SWAP70: variants seen among roughly 807,000 people sequenced by gnomAD.
The protein encoded by SWAP70 is switching B cell complex subunit SWAP70.
Under a neutral mutation model 80.2 loss-of-function variants are expected in SWAP70, and 34 were observed. The observed-to-expected ratio is 0.42, with a 90% CI of 0.32 to 0.56. The LOEUF (loss-of-function observed/expected upper bound fraction) is 0.56, where lower values mean the gene tolerates loss of function less well. SWAP70 is among the 20% of genes least tolerant of loss of function. The pLI is 0.09. For synonymous variants in SWAP70, 239 were observed against 238.5 expected (o/e 1.00, Z -0.02); for missense variants, 578 against 690.7 (o/e 0.84, Z 1.83).
At chr11:9,698,473 C>T (rs960760533) in intron 2 of SWAP70, among the ~76,000 whole-genome samples, 1 of 152,106 alleles carries the variant, frequency 6.6e-6, no homozygotes, top group Admixed American at 6.5e-5. Context: ...GGCATGATCT[C>T]GGCTCACTGT....
Position 9,671,112 on chromosome 11 carries a change from A to T in SWAP70, c.99+6834A>T, listed in dbSNP as rs934659571. 1.8e-4 allele frequency among the ~76,000 whole-genome samples: 24 copies of T among 136,712 alleles called. No individual in the cohort carries two copies. In the East Asian group the frequency reaches 2.8e-3, roughly 16 times the overall value. The allele number at this position is 136,712 out of a possible 152,430, so 89.7% of individuals were successfully genotyped here. On this transcript the variant is annotated intron_variant, in intron 1 of 11. Transcript: ENST00000318950. ...AAATATATATAAATATATAAATATA[A>T]AAATATATATAAATATATTTATAAA... is the stretch of plus-strand genomic sequence containing the variant.
At chr11:9,683,639 T>C (rs892943415) in intron 1 of SWAP70, among the ~76,000 whole-genome samples, 6 of 151,856 alleles carry the variant, frequency 4.0e-5, no homozygotes, top group African/African-American at 1.2e-4. Context: ...GGAAATGAAA[T>C]TGGGAAAAGG....
chr11:9,694,901 G>A (rs987466667), intron 2 of SWAP70, among the ~76,000 whole-genome samples: 6 of 152,134 alleles, frequency 3.9e-5, no homozygotes, highest in Non-Finnish European at 5.9e-5. Context: ...GCAGTGTGGC[G>A]ATTCCTCAAG....
At chr11:9,686,539 G>C (rs1016254013) in intron 1 of SWAP70, among the ~76,000 whole-genome samples, 1 of 151,766 alleles carries the variant, frequency 6.6e-6, no homozygotes, top group Non-Finnish European at 1.5e-5. Flanking sequence ...TGTAGAGATA[G>C]GGTCTTACTT....
At chr11:9,725,128 C>T in intron 4 of SWAP70, 1 of 437,468 alleles carries the variant, frequency 2.3e-6, no homozygotes, top group Non-Finnish European at 4.0e-6. Context: ...AAGGCATGCA[C>T]CCCCATGCCC....
chr11:9,671,992 A>C (rs1221540639), intron 1 of SWAP70, among the ~76,000 whole-genome samples: 2 of 116,522 alleles, frequency 1.7e-5, no homozygotes, highest in African/African-American at 6.9e-5. Context: ...TCTATATTTT[A>C]TATAATATAT....
rs1269274489 is a variant in SWAP70, at chr11:9,679,943, A to G, written c.100-14203A>G. 2.0e-5 allele frequency among the ~76,000 whole-genome samples: 3 copies of G among 152,216 alleles called. 1 individual carries two copies. The highest frequency in any genetic ancestry group is 7.2e-5 in the African/African-American group (3 of 41,450). On this transcript the variant is annotated intron_variant, in intron 1 of 11. Transcript: ENST00000318950. ...CTCAGCCTTCCAGAGTGCTGGGATT[A>G]CAGGCATGAGCCACTGCACGCGGCC... is the stretch of plus-strand genomic sequence containing the variant.
intron 7 of SWAP70, among the ~76,000 whole-genome samples, chr11:9,732,939 A>G (rs1354600438): frequency 6.6e-6 from 1 of 152,214 alleles, no homozygotes; most frequent in African/African-American, 2.4e-5. Flanking sequence ...TTGGCTAGGA[A>G]GGAATATTTT....
intron 3 of SWAP70, among the ~76,000 whole-genome samples, chr11:9,719,083 G>A (rs1851102106): frequency 8.4e-6 from 1 of 119,690 alleles, no homozygotes; most frequent in Non-Finnish European, 1.6e-5. Flanking sequence ...GACAGAGCGA[G>A]ACACTGAATC....
In SWAP70 at chr11:9,718,920, T is replaced by G. The variant is rs796645339; in HGVS notation, c.414+5281T>G. Among the ~76,000 whole-genome samples the G allele has an allele frequency of 3.3e-5, 5 of 151,664 alleles. No individual in the cohort carries two copies. The East Asian group carries it at 5.8e-4, about 18-fold the overall frequency. ...TTTGAGACCAGCCTGGGCAACATGGTGAAACCTCGTCTCTACAAAAAATAC... is the reference window on the plus strand; with the variant it reads ...TTTGAGACCAGCCTGGGCAACATGGGGAAACCTCGTCTCTACAAAAAATAC... On this transcript the variant is annotated intron_variant, in intron 3 of 11. Transcript: ENST00000318950.
chr11:9,666,857 T>C (rs1482149969), intron 1 of SWAP70, among the ~76,000 whole-genome samples: 3 of 151,610 alleles, frequency 2.0e-5, no homozygotes, highest in East Asian at 3.9e-4. Flanking sequence ...TCTGAGTAGC[T>C]GGGACTACAG....
At chr11:9,742,949 G>T (rs1310145113) in intron 9 of SWAP70, among the ~76,000 whole-genome samples, 1 of 147,662 alleles carries the variant, frequency 6.8e-6, no homozygotes, top group Non-Finnish European at 1.5e-5. Context: ...TGCACAATGT[G>T]CAGGTTTGTT....
rs764208019 is a variant in SWAP70 at position 9,747,949 on chromosome 11, C to G, written c.1447C>G (p.Gln483Glu). 1.6e-5 allele frequency: 26 copies of G among 1,614,026 alleles called. No individual in the cohort carries two copies. The highest frequency in any genetic ancestry group is 8.0e-5 in the African/African-American group (6 of 74,918). ...CATTCAGACAACCGAGGCGGAGAAG[C>G]AGGAGTTGGAGAATCAGCGTGTCCT... ...QAIQTTEAEK[Q>E]ELENQRVLKE... The change falls in exon 10 of 12, where the codon CAG becomes GAG. Residue 483 changes from glutamine (Q) to glutamate (E), a missense_variant. By Grantham distance (29) the Gln-to-Glu change is conservative. Coordinates refer to ENST00000318950, the MANE Select transcript of SWAP70 (RefSeq NM_015055.4).
At chr11:9,731,204 T>G (rs971357122) in intron 6 of SWAP70, among the ~76,000 whole-genome samples, 2 of 152,184 alleles carry the variant, frequency 1.3e-5, no homozygotes, top group Non-Finnish European at 2.9e-5. Context: ...CAAGAGGGCT[T>G]TTTAAAAAAA....
chr11:9,695,001 A>G (rs1418578182), intron 2 of SWAP70, among the ~76,000 whole-genome samples: 1 of 152,170 alleles, frequency 6.6e-6, no homozygotes, highest in African/African-American at 2.4e-5. Flanking sequence ...ATAAAGATAC[A>G]TTCATGCCCA....
chr11:9,726,320 T>C (rs1448197776), intron 4 of SWAP70, among the ~76,000 whole-genome samples: 1 of 152,230 alleles, frequency 6.6e-6, no homozygotes, highest in Non-Finnish European at 1.5e-5. Flanking sequence ...TCTTACATTA[T>C]TATATTGAAT....
At chr11:9,675,761 C>T (rs1850491613) in intron 1 of SWAP70, among the ~76,000 whole-genome samples, 1 of 151,808 alleles carries the variant, frequency 6.6e-6, no homozygotes, top group Non-Finnish European at 1.5e-5. Context: ...TGGGCATCTT[C>T]CTGGCAATCT....
At position 9,694,251 on chromosome 11, in the gene SWAP70, T is replaced by C; in HGVS notation, c.205T>C (p.Tyr69His). 1 of 1,612,800 alleles carries C rather than the reference T, an allele frequency of 6.2e-7. No homozygotes were observed. Among genetic ancestry groups the C allele is most frequent in the Non-Finnish European group, 8.5e-7 (1 of 1,179,434 alleles). ...TGAGGGTCCAGTGTCCAACCAGGGC[T>C]ACATGCCTTATTTAAACAGGTTCAT... ...DDEGPVSNQG[Y>H]MPYLNRFILE... is the part of the protein sequence containing the mutation. Residue 69 changes from tyrosine (Y) to histidine (H), a missense_variant, in exon 2 of 12, where the codon TAC (tyrosine) becomes CAC (histidine). By Grantham distance (83) the Tyr-to-His change is moderately conservative (BLOSUM62 2). Coordinates refer to ENST00000318950, the MANE Select transcript of SWAP70 (RefSeq NM_015055.4).
At chr11:9,708,708 C>T (rs1476783435) in intron 2 of SWAP70, among the ~76,000 whole-genome samples, 2 of 152,196 alleles carry the variant, frequency 1.3e-5, no homozygotes, top group Non-Finnish European at 2.9e-5. Flanking sequence ...CAGAGCAAGG[C>T]TATCTGCTTT....
Sources: allele counts gnomAD v4.1 joint callset (sites outside exome capture counted in the v4.1 genomes callset), GRCh38; gene constraint gnomAD v4.1.1; transcripts MANE v1.5; gene names NCBI Gene and HGNC (gene_info 2026-07-23, HGNC 2026-07-21).